Variants in CLOCK observed in about 807,000 individuals in gnomAD.
CLOCK encodes the protein clock circadian regulator.
CLOCK carries 43 observed loss-of-function variants against 118.4 expected under a neutral mutation model. That is an observed-to-expected ratio of 0.36 (90% CI 0.28 to 0.47). The LOEUF is 0.47. CLOCK is among the 20% of genes least tolerant of loss of function. The pLI is 1.00. For missense variants in CLOCK, 846 were observed against 999.9 expected (o/e 0.85, Z 2.08); for synonymous variants, 326 against 339.2 (o/e 0.96, Z 0.43).
rs768874973 is a variant in CLOCK at position 55,453,851 on chromosome 4, T to G, written c.983-27A>C. ...TAAAAGGAAAATAGAGAAATATTTT[T>G]TCTTTAATTCATATTATATAAAGAT... On this transcript the variant is annotated intron_variant, in intron 13 of 22. Transcript: ENST00000513440. 3 of 1,507,960 alleles carry G rather than the reference T, an allele frequency of 2.0e-6. No homozygotes were observed. The African/African-American group carries it at 4.2e-5, about 21-fold the overall frequency. 93.4% of individuals were successfully genotyped at this position (1,507,960 alleles called of 1,614,324 possible).
Position 55,542,344 on chromosome 4 carries a change from AAATAATAATAAT to A in CLOCK, c.-290+4426_-290+4437del, listed in dbSNP as rs530927235. 3.8e-3 allele frequency among the ~76,000 whole-genome samples: 441 copies of A among 117,272 alleles called. 3 individuals are homozygous for A. The highest frequency in any genetic ancestry group is 0.012 in the African/African-American group (386 of 33,088). The allele number at this position is 117,272 out of a possible 152,430, so 76.9% of individuals were successfully genotyped here. A position where few individuals can be genotyped will look rare whatever the true frequency, so the allele number is the denominator to read the frequency against. ...GGGTGACAGAGAGAGACTCTGTCTCAAATAATAATAATAATAATAATAATAATAATAATAATA... is the reference window on the plus strand; with the variant it reads ...GGGTGACAGAGAGAGACTCTGTCTCAAATAATAATAATAATAATAATAATA... On this transcript the variant is annotated intron_variant, in intron 1 of 22. Transcript: ENST00000513440.
chr4:55,444,732 T>C lies in CLOCK; in HGVS notation c.1593A>G (p.Glu531=), dbSNP rs759449116. The C allele has an allele frequency of 1.2e-6, 2 of 1,614,146 alleles. No individual in the cohort carries two copies. Among genetic ancestry groups the C allele is most frequent in the Non-Finnish European group, 1.7e-6 (2 of 1,180,014 alleles). Reference sequence around the variant, plus strand: ...TTGCTTCTATCATGCGTGTCCGTTGTTCCAATTGGTCTTTCAGATGTTGCA... The same window carrying C: ...TTGCTTCTATCATGCGTGTCCGTTGCTCCAATTGGTCTTTCAGATGTTGCA... The part of the protein sequence containing the change: ...GAMQHLKDQL[E]QRTRMIEANI... Residue 531 remains glutamate, a synonymous_variant, in exon 19 of 23, where the codon GAA becomes GAG. Transcript: ENST00000513440.
chr4:55,526,872 G>A (rs191574763), intron 1 of CLOCK, among the ~76,000 whole-genome samples: 175 of 149,070 alleles, frequency 1.2e-3, no homozygotes, highest in African/African-American at 4.1e-3. Flanking sequence ...GCATGAACCC[G>A]GGAGGCGGAG....
chr4:55,545,381 G>A (rs959953363), intron 1 of CLOCK: 2 of 152,152 alleles, frequency 1.3e-5, no homozygotes, highest in Admixed American at 6.5e-5. Context: ...AACAGGTAGA[G>A]GGGAATATTG....
Position 55,450,123 on chromosome 4 carries a change from T to C in CLOCK, c.1316A>G (p.Lys439Arg). The change falls in exon 16 of 23, where the codon AAA becomes AGA. Residue 439 changes from lysine to arginine, a missense_variant. By Grantham distance (26) the Lys-to-Arg change is conservative (BLOSUM62 2). Around this residue, in one of 4 missense-constraint regions of CLOCK, gnomAD observed 520 missense variants for 558.0 expected, o/e 0.93. Coordinates refer to ENST00000513440, the MANE Select transcript of CLOCK (RefSeq NM_004898.4). Reference protein sequence around the residue: ...TPSASSRSSRKSSHTAVSDPS... With the variant: ...TPSASSRSSRRSSHTAVSDPS... ...GTCTGAGACGGCCGTGTGAGATGAT[T>C]TTCTTGAACTCCGAGAAGAGGCAGA... is the stretch of plus-strand genomic sequence containing the variant. The C allele has an allele frequency of 6.2e-7, 1 of 1,614,160 alleles. No homozygotes were observed. Among genetic ancestry groups the C allele is most frequent in the African/African-American group, 1.3e-5 (1 of 75,048 alleles).
intron 2 of CLOCK, among the ~76,000 whole-genome samples, chr4:55,499,936 G>T (rs1171885368): frequency 1.3e-5 from 2 of 152,154 alleles, no homozygotes; most frequent in Non-Finnish European, 2.9e-5. Flanking sequence ...CCAGCTTCCA[G>T]AGTTCTCTTT....
At chr4:55,463,589 C>T in intron 9 of CLOCK, 96 bp downstream of exon 9, 1 of 1,222,298 alleles carries the variant, frequency 8.2e-7, no homozygotes, top group Non-Finnish European at 1.2e-6. Flanking sequence ...TGGAGTAATG[C>T]TGTATTTAAA....
rs571166238 is a variant in CLOCK at position 55,486,979 on chromosome 4, T to C, written c.-44+2395A>G. 7.3e-4 allele frequency among the ~76,000 whole-genome samples: 111 copies of C among 152,316 alleles called. 1 individual carries two copies. Among genetic ancestry groups the C allele is most frequent in the Middle Eastern group, 3.4e-3 (1 of 294 alleles). On this transcript the variant is annotated intron_variant, in intron 3 of 22. Coordinates refer to ENST00000513440, the MANE Select transcript of CLOCK (RefSeq NM_004898.4). ...TCCTTCTGGAGCACTTATTTGAACA[T>C]TGGAGATCCTGGACAGTTGTAATTT...
intron 8 of CLOCK, among the ~76,000 whole-genome samples, chr4:55,464,569 G>A (rs1402149743): frequency 1.3e-5 from 2 of 152,196 alleles, no homozygotes; most frequent in Non-Finnish European, 2.9e-5. Flanking sequence ...TGCTGAGACA[G>A]TATCTCAAGG....
intron 1 of CLOCK, among the ~76,000 whole-genome samples, chr4:55,537,645 T>C (rs1730991905): frequency 6.6e-6 from 1 of 151,670 alleles, no homozygotes; most frequent in African/African-American, 2.4e-5. Context: ...AAATAAAAAA[T>C]TAGCCAGGCA....
At chr4:55,514,877 G>A (rs7684685) in intron 1 of CLOCK, among the ~76,000 whole-genome samples, 4,120 of 152,216 alleles carry the variant, frequency 0.027, 199 homozygotes, top group African/African-American at 0.094. Flanking sequence ...TTTAGGATTA[G>A]AGTAATACTG....
chr4:55,459,978 A>G (rs902762323), intron 9 of CLOCK, among the ~76,000 whole-genome samples: 1 of 152,100 alleles, frequency 6.6e-6, no homozygotes, highest in Non-Finnish European at 1.5e-5. Flanking sequence ...TCTACTTTTA[A>G]ATTTGCTCAC....
chr4:55,476,123 T>A, intron 6 of CLOCK, 69 bp from the exon 7 acceptor site: 1 of 953,092 alleles, frequency 1.0e-6, no homozygotes, highest in Non-Finnish European at 1.7e-6. Context: ...CTACAAGTTA[T>A]CTTGTCTCTT....
chr4:55,502,381 A>G (rs920008517), intron 2 of CLOCK, among the ~76,000 whole-genome samples: 10 of 152,226 alleles, frequency 6.6e-5, no homozygotes, highest in African/African-American at 2.4e-4. Flanking sequence ...CCAACAGAAT[A>G]GAGTCCAAAA....
chr4:55,437,738 C>G (rs1056263592), intron 22 of CLOCK, among the ~76,000 whole-genome samples: 3 of 152,184 alleles, frequency 2.0e-5, no homozygotes, highest in Admixed American at 1.3e-4. Flanking sequence ...AGCAGTGACT[C>G]AACCCCAAGG....
chr4:55,471,733 G>C (rs1428100936), intron 7 of CLOCK, among the ~76,000 whole-genome samples: 1 of 152,144 alleles, frequency 6.6e-6, no homozygotes, highest in Non-Finnish European at 1.5e-5. Context: ...AATCCTGGAA[G>C]AATTATCTAC....
At chr4:55,502,994 T>C (rs1443162599) in intron 2 of CLOCK, among the ~76,000 whole-genome samples, 1 of 152,196 alleles carries the variant, frequency 6.6e-6, no homozygotes, top group African/African-American at 2.4e-5. Context: ...AAAACACTAA[T>C]AATTTCAAGT....
chr4:55,438,610 A>G (rs1206880718), intron 21 of CLOCK, 73 bp from the exon 22 acceptor site: 1 of 1,605,922 alleles, frequency 6.2e-7, no homozygotes, highest in Non-Finnish European at 8.5e-7. Context: ...AGTGGAGTAA[A>G]TACTTACCTA....
intron 1 of CLOCK, among the ~76,000 whole-genome samples, chr4:55,536,064 A>G (rs987304972): frequency 2.0e-5 from 3 of 152,136 alleles, no homozygotes; most frequent in African/African-American, 7.2e-5. Context: ...AAGGACCTCA[A>G]GCTTAAAGGT....
Sources: gnomAD v4.1 joint callset for allele counts (sites outside exome capture counted in the v4.1 genomes callset) on GRCh38, gnomAD v4.1.1 for gene constraint, gnomAD v4.1.1 regional missense constraint, MANE v1.5 for transcripts, NCBI Gene and HGNC (gene_info 2026-07-23, HGNC 2026-07-21) for gene names.